The following DOCK3 variants were observed in gnomAD, a reference collection of about 807,000 sequenced individuals.
The protein encoded by DOCK3 is dedicator of cytokinesis protein 3.
DOCK3 carries 60 observed loss-of-function variants against 265.6 expected under a neutral mutation model. That is an observed-to-expected ratio of 0.23 (90% CI 0.18 to 0.28). DOCK3 has a LOEUF of 0.28. DOCK3 is among the 10% of genes least tolerant of loss of function. DOCK3 has a pLI of 1.00. For missense variants in DOCK3, 1,981 were observed against 2,594.3 expected, an observed-to-expected ratio of 0.76 and a Z score of 5.14; for synonymous variants, 881 against 938.0, an observed-to-expected ratio of 0.94 and a Z score of 1.11.
At position 50,893,968 on chromosome 3, in the gene DOCK3, TG is replaced by T. The variant is rs1361163489; in HGVS notation, c.218+3888del. ...AAGGGGAACATCACACACCGGGGCC[TG>T]TCGTTAGGTGAGGGGAGGGGGGAGG... On this transcript the variant is annotated intron_variant, in intron 4 of 52. Coordinates refer to ENST00000266037, the MANE Select transcript of DOCK3 (RefSeq NM_004947.5). 5.5e-5 allele frequency among the ~76,000 whole-genome samples: 6 copies of T among 108,514 alleles called. No homozygotes were observed. The East Asian group carries it at 1.9e-3, about 35-fold the overall frequency. The allele number at this position is 108,514 out of a possible 152,430, so 71.2% of individuals were successfully genotyped here.
At chr3:50,701,769 A>T (rs1424020594) in intron 1 of DOCK3, among the ~76,000 whole-genome samples, 1 of 152,152 alleles carries the variant, frequency 6.6e-6, no homozygotes. Context: ...GTCTAGTTTC[A>T]TTCTTCTACA....
At chr3:51,319,410 A>C (rs1404196141) in intron 32 of DOCK3, among the ~76,000 whole-genome samples, 1 of 152,034 alleles carries the variant, frequency 6.6e-6, no homozygotes, top group Non-Finnish European at 1.5e-5. Flanking sequence ...AAAAAAAAAA[A>C]AAACCCAGTT....
At chr3:50,881,344 G>A (rs1173908686) in intron 3 of DOCK3, 1 of 152,214 alleles carries the variant, frequency 6.6e-6, no homozygotes, top group Non-Finnish European at 1.5e-5. Flanking sequence ...AATTGTCCCT[G>A]TTTGCAGATG....
chr3:50,918,186 T>TCCA (rs2050230994), intron 4 of DOCK3, among the ~76,000 whole-genome samples: 1 of 152,136 alleles, frequency 6.6e-6, no homozygotes, highest in Non-Finnish European at 1.5e-5. Flanking sequence ...TGGTTCCAAG[T>TCCA]CTTTGCTATT....
intron 2 of DOCK3, among the ~76,000 whole-genome samples, chr3:50,808,536 C>G (rs961947168): frequency 1.3e-5 from 2 of 152,126 alleles, no homozygotes; most frequent in African/African-American, 2.4e-5. Context: ...CCCTGGAGAG[C>G]CACACCTATG....
At position 51,172,642 on chromosome 3, in the gene DOCK3, A is replaced by G. The variant is rs1267309320; in HGVS notation, c.1037+11940A>G. On this transcript the variant is annotated intron_variant, in intron 12 of 52. Coordinates refer to ENST00000266037, the MANE Select transcript of DOCK3 (RefSeq NM_004947.5). ...TGATAGGTAAGAAGTTACTTTTGCC[A>G]TTTTGTTCACTGTTCTATGATTTTT... Among the ~76,000 whole-genome samples the G allele has an allele frequency of 3.3e-5, 5 of 152,058 alleles. 1 individual carries two copies. The highest frequency in any genetic ancestry group is 2.6e-4 in the Admixed American group (4 of 15,280).
rs137865232 is a variant in DOCK3, at chr3:51,011,230, C to T, written c.316-53218C>T. On this transcript the variant is annotated intron_variant, in intron 5 of 52. Transcript: ENST00000266037. The stretch of plus-strand genomic sequence containing the variant: ...TGCAGAGTGTTTTCCAACTTGGTTC[C>T]GTTCTCCCCGTCACTTTCAGGTATA... Among the ~76,000 whole-genome samples the T allele has an allele frequency of 7.6e-3, 1,161 of 152,262 alleles. 16 individuals carry two copies. Among genetic ancestry groups the T allele is most frequent in the African/African-American group, 0.027 (1,113 of 41,542 alleles).
intron 1 of DOCK3, among the ~76,000 whole-genome samples, chr3:50,770,827 A>G (rs536096431): frequency 6.6e-6 from 1 of 152,326 alleles, no homozygotes; most frequent in South Asian, 2.1e-4. Flanking sequence ...CAGCGAACTC[A>G]TTTTCACCAA....
intron 34 of DOCK3, 42 bp from the exon 35 acceptor site, chr3:51,333,116 G>T (rs1021005494): frequency 6.2e-7 from 1 of 1,613,900 alleles, no homozygotes; most frequent in East Asian, 2.2e-5. Context: ...CCAGGAGAAG[G>T]CTCATGAATT....
chr3:51,249,188 C>T (rs1183002835), intron 22 of DOCK3, among the ~76,000 whole-genome samples: 16 of 138,550 alleles, frequency 1.2e-4, no homozygotes, highest in Non-Finnish European at 7.9e-5. Flanking sequence ...CTGCCCCATC[C>T]GGCAGGGAGG....
intron 5 of DOCK3, among the ~76,000 whole-genome samples, chr3:51,008,174 G>A (rs992651528): frequency 2.0e-5 from 3 of 152,180 alleles, no homozygotes; most frequent in African/African-American, 7.2e-5. Flanking sequence ...GTCATTGGTA[G>A]CTTGATGAGG....
At chr3:51,132,476 G>A (rs1438030985) in intron 9 of DOCK3, among the ~76,000 whole-genome samples, 8 of 152,104 alleles carry the variant, frequency 5.3e-5, no homozygotes, top group Non-Finnish European at 8.8e-5. Context: ...ATCTTGCCTG[G>A]CAACTGCCTC....
At chr3:50,685,306 A>G (rs1052024138) in intron 1 of DOCK3, among the ~76,000 whole-genome samples, 4 of 152,210 alleles carry the variant, frequency 2.6e-5, no homozygotes, top group African/African-American at 4.8e-5. Flanking sequence ...ATAATAGGGC[A>G]TTATTTCCTC....
At chr3:50,908,197 CTT>C (rs550837883) in intron 4 of DOCK3, among the ~76,000 whole-genome samples, 10 of 114,434 alleles carry the variant, frequency 8.7e-5, no homozygotes, top group Non-Finnish European at 1.8e-4. Flanking sequence ...TTTTGAAGGG[CTT>C]TTTTTTTTTT....
At chr3:51,334,550 C>A (rs368165637) in intron 35 of DOCK3, among the ~76,000 whole-genome samples, 63 of 152,306 alleles carry the variant, frequency 4.1e-4, no homozygotes, top group African/African-American at 1.5e-3. Context: ...AAGCATCCCC[C>A]CATTCTGTAG....
At chr3:50,889,027 T>G (rs2048494219) in intron 3 of DOCK3, among the ~76,000 whole-genome samples, 1 of 150,292 alleles carries the variant, frequency 6.7e-6, no homozygotes, top group African/African-American at 2.4e-5. Flanking sequence ...TTATTGGTGG[T>G]AGTGTGGGCC....
chr3:51,004,094 C>T (rs1242447220), intron 5 of DOCK3, among the ~76,000 whole-genome samples: 1 of 151,956 alleles, frequency 6.6e-6, no homozygotes, highest in African/African-American at 2.4e-5. Context: ...AATGACTTGC[C>T]TCTAGTGAAT....
chr3:51,200,674 C>T (rs140598225), intron 12 of DOCK3, among the ~76,000 whole-genome samples: 5 of 151,558 alleles, frequency 3.3e-5, no homozygotes, highest in Admixed American at 6.6e-5. Context: ...AGACAGAGAA[C>T]GCCACAAAGA....
intron 1 of DOCK3, among the ~76,000 whole-genome samples, chr3:50,677,219 C>T (rs1421811768): frequency 6.6e-6 from 1 of 152,210 alleles, no homozygotes; most frequent in Admixed American, 6.5e-5. Flanking sequence ...ACTTAGATGC[C>T]TTTTCTACCA....
Sources: allele counts gnomAD v4.1 joint callset (sites outside exome capture counted in the v4.1 genomes callset), GRCh38; gene constraint gnomAD v4.1.1; transcripts MANE v1.5; gene names NCBI Gene and HGNC (gene_info 2026-07-23, HGNC 2026-07-21).